The following WWOX variants were observed in gnomAD, a reference collection of about 807,000 sequenced individuals.
WWOX encodes the protein WW domain-containing oxidoreductase.
A neutral mutation model predicts 46.2 loss-of-function variants in WWOX; 69 were observed. The observed-to-expected ratio is 1.49, with a 90% CI of 1.23 to 1.82. The LOEUF (loss-of-function observed/expected upper bound fraction) is 1.82. WWOX is among the 40% of genes most tolerant of loss of function. The pLI is 0.00. For synonymous variants in WWOX, 359 were observed against 202.6 expected, an observed-to-expected ratio of 1.77 and a Z score of -6.56; for missense variants, 919 against 542.6, an observed-to-expected ratio of 1.69 and a Z score of -6.89.
At chr16:78,870,801 C>T (rs930822498) in intron 8 of WWOX, among the ~76,000 whole-genome samples, 2 of 152,084 alleles carry the variant, frequency 1.3e-5, no homozygotes, top group Middle Eastern at 3.2e-3. Context: ...GGGTTTTCAC[C>T]GTGTTGCCCA....
intron 5 of WWOX, among the ~76,000 whole-genome samples, chr16:78,337,167 G>A (rs1457894752): frequency 2.0e-4 from 30 of 152,146 alleles, no homozygotes; most frequent in Admixed American, 2.0e-3. Context: ...GTGGTAGGTA[G>A]CCAGTTTATA....
rs1322301733 is a variant in WWOX at position 78,798,056 on chromosome 16, T to G, written c.1056+365304T>G. Among the ~76,000 whole-genome samples the G allele has an allele frequency of 5.3e-5, 8 of 152,218 alleles. No individual in the cohort carries two copies. In the East Asian group the frequency reaches 1.4e-3, roughly 26 times the overall value. ...AGAAATCTTAGCCCATGGAATCCAG[T>G]CTTCTCCTTTTGTTTCTGGGGAAGC... On this transcript the variant is annotated intron_variant, in intron 8 of 8. Coordinates refer to ENST00000566780, the MANE Select transcript of WWOX (RefSeq NM_016373.4).
At chr16:78,537,255 C>T (rs1248179355) in intron 8 of WWOX, among the ~76,000 whole-genome samples, 1 of 152,100 alleles carries the variant, frequency 6.6e-6, no homozygotes, top group African/African-American at 2.4e-5. Flanking sequence ...GTCTGCCTGC[C>T]TCCCTGTCTC....
intron 4 of WWOX, among the ~76,000 whole-genome samples, chr16:78,122,416 G>A (rs912316753): frequency 2.0e-5 from 3 of 152,000 alleles, no homozygotes; most frequent in Non-Finnish European, 4.4e-5. Context: ...ATGACAAAGT[G>A]GGTCAAACCC....
intron 8 of WWOX, among the ~76,000 whole-genome samples, chr16:79,007,532 G>A (rs981052206): frequency 6.6e-6 from 1 of 152,190 alleles, no homozygotes; most frequent in African/African-American, 2.4e-5. Flanking sequence ...AGCTGGATAA[G>A]AGCACCCAAA....
chr16:78,970,296 G>A (rs1254597152), intron 8 of WWOX, among the ~76,000 whole-genome samples: 1 of 152,128 alleles, frequency 6.6e-6, no homozygotes, highest in Non-Finnish European at 1.5e-5. Flanking sequence ...TTGATTCTCT[G>A]CCCTTCCCCA....
intron 8 of WWOX, among the ~76,000 whole-genome samples, chr16:78,502,785 A>G (rs1437358474): frequency 6.6e-6 from 1 of 152,148 alleles, no homozygotes; most frequent in Non-Finnish European, 1.5e-5. Flanking sequence ...GCAGATCTCG[A>G]AAAGGGGGCT....
chr16:78,214,732 T>G (rs374496797), intron 5 of WWOX, among the ~76,000 whole-genome samples: 2 of 152,210 alleles, frequency 1.3e-5, no homozygotes, highest in African/African-American at 4.8e-5. Flanking sequence ...GACCCTCAGT[T>G]GGCTTCATAC....
chr16:78,108,350 ATT>A, intron 1 of WWOX, 71 bp from the exon 2 acceptor site: 1 of 1,495,692 alleles, frequency 6.7e-7, no homozygotes. Context: ...GAGAGAAAAA[ATT>A]TAATACAATT....
chr16:78,592,951 A>C (rs1259032384), intron 8 of WWOX, among the ~76,000 whole-genome samples: 1 of 152,162 alleles, frequency 6.6e-6, no homozygotes, highest in East Asian at 1.9e-4. Flanking sequence ...CCCACCCAAC[A>C]CTACTGCTTC....
chr16:78,187,680 A>C (rs941932913), intron 5 of WWOX, among the ~76,000 whole-genome samples: 2 of 152,214 alleles, frequency 1.3e-5, no homozygotes, highest in Non-Finnish European at 2.9e-5. Flanking sequence ...GTTTCACTAG[A>C]AGGTGTGACA....
chr16:78,641,718 A>C (rs995367083), intron 8 of WWOX, among the ~76,000 whole-genome samples: 5 of 152,310 alleles, frequency 3.3e-5, no homozygotes, highest in Middle Eastern at 3.4e-3. Flanking sequence ...GTATGGATTA[A>C]CACAGTGATA....
chr16:78,932,101 C>G (rs549287917), intron 8 of WWOX, among the ~76,000 whole-genome samples: 1 of 152,230 alleles, frequency 6.6e-6, no homozygotes, highest in African/African-American at 2.4e-5. Context: ...ATTACTCAGT[C>G]TCAGGTATGT....
chr16:78,730,255 T>C (rs990034726), intron 8 of WWOX, among the ~76,000 whole-genome samples: 2 of 152,094 alleles, frequency 1.3e-5, no homozygotes, highest in Non-Finnish European at 2.9e-5. Flanking sequence ...TGAACGACGT[T>C]AGTACCTCAA....
At chr16:78,858,831 A>G (rs2052633443) in intron 8 of WWOX, among the ~76,000 whole-genome samples, 1 of 151,122 alleles carries the variant, frequency 6.6e-6, no homozygotes, top group African/African-American at 2.4e-5. Flanking sequence ...GGCATGTGTC[A>G]CCACATCTGG....
At chr16:78,943,372 G>A (rs551917723) in intron 8 of WWOX, among the ~76,000 whole-genome samples, 1 of 147,072 alleles carries the variant, frequency 6.8e-6, no homozygotes, top group Non-Finnish European at 1.5e-5. Context: ...TTCACTAACT[G>A]TTCATCTCCT....
Position 78,109,807 on chromosome 16 carries a change from G to T in WWOX, c.202G>T (p.Asp68Tyr), listed in dbSNP as rs2032382985. ...DLPYGWEQETDENGQVFFVDH... is the reference protein window; with the variant it reads ...DLPYGWEQETYENGQVFFVDH... ...GCCATACGGATGGGAACAAGAAACTGATGAGAACGGACAAGTGTTTTTTGT... is the reference window on the plus strand; with the variant it reads ...GCCATACGGATGGGAACAAGAAACTTATGAGAACGGACAAGTGTTTTTTGT... Residue 68 changes from aspartate to tyrosine, a missense_variant, in exon 3 of 9, where the codon GAT becomes TAT. Asp to Tyr is a radical substitution (Grantham distance 160). Coordinates refer to ENST00000566780, the MANE Select transcript of WWOX (RefSeq NM_016373.4). 1.9e-6 allele frequency: 3 copies of T among 1,614,196 alleles called. No individual in the cohort carries two copies. Among genetic ancestry groups the T allele is most frequent in the Non-Finnish European group, 2.5e-6 (3 of 1,180,042 alleles).
chr16:78,728,068 T>TC (rs1485482444), intron 8 of WWOX, among the ~76,000 whole-genome samples: 1 of 140,708 alleles, frequency 7.1e-6, no homozygotes, highest in African/African-American at 2.7e-5. Flanking sequence ...TTTTTTTTTT[T>TC]TTTTTTTTTT....
chr16:78,530,415 G>A lies in WWOX; in HGVS notation c.1056+97663G>A, dbSNP rs775776051. On this transcript the variant is annotated intron_variant, in intron 8 of 8. Transcript: ENST00000566780. Reference sequence around the variant, plus strand: ...AAAGTGGCTTTCACTGGGAAGATAAGCTAAAAAGAAGACAAAGCAGGAAGG... The same window carrying A: ...AAAGTGGCTTTCACTGGGAAGATAAACTAAAAAGAAGACAAAGCAGGAAGG... 1.1e-4 allele frequency among the ~76,000 whole-genome samples: 16 copies of A among 152,292 alleles called. No individual in the cohort carries two copies. In the East Asian group the frequency reaches 2.3e-3, roughly 22 times the overall value.
Sources: allele counts gnomAD v4.1 joint callset (sites outside exome capture counted in the v4.1 genomes callset), GRCh38; gene constraint gnomAD v4.1.1; transcripts MANE v1.5; gene names NCBI Gene and HGNC (gene_info 2026-07-23, HGNC 2026-07-21).